The following TLR5 variants were observed in gnomAD, a reference collection of about 807,000 sequenced individuals.
TLR5 encodes the protein toll-like receptor 5.
For synonymous variants in TLR5, 373 were observed against 384.4 expected (o/e 0.97, Z 0.35); for missense variants, 944 against 999.8 (o/e 0.94, Z 0.75).
chr1:223,112,002 A>T lies in TLR5; in HGVS notation c.1030T>A (p.Ser344Thr). The part of the protein sequence containing the change: ...GLDNLQVLNL[S>T]YNLLGELYSS... ...TAAAGTTCCCCCAGAAGGTTATATG[A>T]CAAATTGAGAACTTGGAGGTTGTCA... Residue 344 changes from serine to threonine, a missense_variant, in exon 6 of 6, where the codon TCA becomes ACA. Transcript: ENST00000642603. 3 of 1,614,228 alleles carry T rather than the reference A, an allele frequency of 1.9e-6. No homozygotes were observed. Among genetic ancestry groups the T allele is most frequent in the Non-Finnish European group, 2.5e-6 (3 of 1,180,036 alleles).
chr1:223,141,822 T>TATAGAG (rs1398290863), intron 1 of TLR5, 59 bp from the exon 2 acceptor site: 26 of 42,982 alleles, frequency 6.0e-4, no homozygotes, highest in Admixed American at 6.3e-4. Context: ...TATATATATA[T>TATAGAG]AGAGAGAGAG....
intron 5 of TLR5, among the ~76,000 whole-genome samples, chr1:223,119,448 T>C (rs1308593926): frequency 6.6e-6 from 1 of 152,068 alleles, no homozygotes; most frequent in East Asian, 1.9e-4. Flanking sequence ...AAAAATAAAA[T>C]TCTAAGCTCC....
chr1:223,110,941 C>T lies in TLR5; in HGVS notation c.2091G>A (p.Leu697=). 1.2e-6 allele frequency: 2 copies of T among 1,614,230 alleles called. No individual in the cohort carries two copies. Among genetic ancestry groups the T allele is most frequent in the Non-Finnish European group, 8.5e-7 (1 of 1,180,040 alleles). ...ATGTGAAGTCTTTGCTGCTGAAGCA[C>T]AAATAGGCATCATATTTGTACATAT... ...EPDMYKYDAY[L]CFSSKDFTWV... is the part of the protein sequence containing the mutation. The change falls in exon 6 of 6, where the codon TTG becomes TTA. Residue 697 remains leucine, a synonymous_variant. Transcript: ENST00000642603.
At chr1:223,129,731 C>G (rs1385048709) in intron 5 of TLR5, among the ~76,000 whole-genome samples, 1 of 152,198 alleles carries the variant, frequency 6.6e-6, no homozygotes, top group Non-Finnish European at 1.5e-5. Flanking sequence ...AAATGGAAAG[C>G]GAGCTCCTAC....
intron 2 of TLR5, among the ~76,000 whole-genome samples, chr1:223,139,347 C>T (rs1359878782): frequency 6.6e-6 from 1 of 152,174 alleles, no homozygotes; most frequent in East Asian, 1.9e-4. Context: ...CAATCACTGC[C>T]TTCAGGGAGC....
Position 223,111,171 on chromosome 1 carries a change from G to C in TLR5, c.1861C>G (p.Leu621Val), listed in dbSNP as rs1482385644. ...VYPDSFSGVS[L>V]FSLSTEGCDE... ...CAACCTTCCGTGGAAAGAGAGAAGA[G>C]GGAAACCCCAGAGAACGAGTCAGGG... The change falls in exon 6 of 6, where the codon CTC becomes GTC. Residue 621 changes from leucine (L) to valine (V), a missense_variant. Physicochemically the swap from Leu to Val is conservative, Grantham distance 32 (BLOSUM62 1). Coordinates refer to ENST00000642603, the MANE Select transcript of TLR5 (RefSeq NM_003268.6). 6.2e-7 allele frequency: 1 copy of C among 1,614,080 alleles called. No individual in the cohort carries two copies. The highest frequency in any genetic ancestry group is 8.5e-7 in the Non-Finnish European group (1 of 1,180,046).
chr1:223,120,342 G>C (rs1378148150), intron 5 of TLR5, among the ~76,000 whole-genome samples: 1 of 152,086 alleles, frequency 6.6e-6, no homozygotes, highest in Admixed American at 6.5e-5. Flanking sequence ...ATAAAAACTT[G>C]ATTCTTTCAG....
At chr1:223,123,890 C>T (rs886314464) in intron 5 of TLR5, 3 of 152,122 alleles carry the variant, frequency 2.0e-5, no homozygotes, top group Non-Finnish European at 4.4e-5. Flanking sequence ...AGGAGTGCGC[C>T]ATCTAGTGGT....
In TLR5 at chr1:223,137,252, A is replaced by G. The variant is rs936069866; in HGVS notation, c.-427T>C. 2 of 152,226 alleles carry G rather than the reference A, an allele frequency of 1.3e-5. No individual in the cohort carries two copies. The highest frequency in any genetic ancestry group is 1.3e-4 in the Admixed American group (2 of 15,284). The allele number at this position is 152,226 out of a possible 1,614,324, so 9.4% of individuals were successfully genotyped here. A position where few individuals can be genotyped will look rare whatever the true frequency, so the allele number is the denominator to read the frequency against. On this transcript the variant is annotated 5_prime_UTR_variant, in exon 3 of 6. An upstream start codon of the reference 5' UTR is lost. Transcript: ENST00000642603. ...TGAATCTTGTAGTAGTGTCAGGAAC[A>G]TGAACATCAATCTATGGTAAAATAC...
At chr1:223,118,049 C>T (rs1022166293) in intron 5 of TLR5, among the ~76,000 whole-genome samples, 4 of 152,174 alleles carry the variant, frequency 2.6e-5, no homozygotes, top group Non-Finnish European at 5.9e-5. Flanking sequence ...GTGACACAGC[C>T]CTCAGGAGAC....
chr1:223,138,933 T>C (rs1657729042), intron 2 of TLR5, among the ~76,000 whole-genome samples: 1 of 152,190 alleles, frequency 6.6e-6, no homozygotes, highest in South Asian at 2.1e-4. Flanking sequence ...GTGCTGTTCT[T>C]GTGATAAGGA....
chr1:223,116,232 G>A (rs969966577), intron 5 of TLR5, among the ~76,000 whole-genome samples: 5 of 152,210 alleles, frequency 3.3e-5, no homozygotes, highest in South Asian at 2.1e-4. Flanking sequence ...CCCTCACGGT[G>A]AGTGTTACAG....
chr1:223,125,139 A>G (rs1389575023), intron 5 of TLR5, among the ~76,000 whole-genome samples: 1 of 152,178 alleles, frequency 6.6e-6, no homozygotes, highest in Non-Finnish European at 1.5e-5. Context: ...TGAATATGTT[A>G]ATATTATTCT....
At chr1:223,140,986 C>T (rs753890104) in intron 2 of TLR5, among the ~76,000 whole-genome samples, 1 of 152,192 alleles carries the variant, frequency 6.6e-6, no homozygotes, top group Non-Finnish European at 1.5e-5. Context: ...AGACACTATA[C>T]GCTGTTGCTC....
At chr1:223,136,365 A>G (rs1657614442) in intron 3 of TLR5, among the ~76,000 whole-genome samples, 2 of 152,188 alleles carry the variant, frequency 1.3e-5, no homozygotes, top group African/African-American at 4.8e-5. Flanking sequence ...GGCAATGCAT[A>G]AGAGATCTGA....
intron 5 of TLR5, among the ~76,000 whole-genome samples, chr1:223,126,570 T>C (rs1193769410): frequency 6.6e-6 from 1 of 152,194 alleles, no homozygotes; most frequent in Non-Finnish European, 1.5e-5. Flanking sequence ...CAAACTGGAC[T>C]TCTCAATATT....
chr1:223,117,974 A>C (rs769424673), intron 5 of TLR5, among the ~76,000 whole-genome samples: 5 of 152,276 alleles, frequency 3.3e-5, no homozygotes, highest in Non-Finnish European at 7.3e-5. Context: ...GTCAATAAAA[A>C]AGAGTCAAAC....
intron 5 of TLR5, among the ~76,000 whole-genome samples, chr1:223,124,647 C>T (rs537265387): frequency 6.6e-6 from 1 of 152,270 alleles, no homozygotes; most frequent in Admixed American, 6.5e-5. Flanking sequence ...AAGTCTCAAT[C>T]TGTCACCCAG....
At chr1:223,117,691 A>C (rs1656745804) in intron 5 of TLR5, among the ~76,000 whole-genome samples, 2 of 152,180 alleles carry the variant, frequency 1.3e-5, no homozygotes, top group African/African-American at 4.8e-5. Flanking sequence ...AGTGCATTTT[A>C]TCTGTAACAC....
Sources: allele counts gnomAD v4.1 joint callset (sites outside exome capture counted in the v4.1 genomes callset), GRCh38; gene constraint gnomAD v4.1.1; transcripts MANE v1.5; gene names NCBI Gene and HGNC (gene_info 2026-07-23, HGNC 2026-07-21).